TRIM49C: variants seen among roughly 807,000 people sequenced by gnomAD.
TRIM49C encodes the protein tripartite motif containing 49C, also known as tripartite motif-containing protein 49C.
In TRIM49C, 6 loss-of-function variants were observed where a neutral mutation model predicts 21.4. The ratio of observed to expected loss-of-function variants is 0.28; its 90% confidence interval spans 0.15 to 0.55. The LOEUF is 0.55. Ranked by LOEUF, TRIM49C falls within the 20% of genes least tolerant of loss-of-function variation. TRIM49C has a pLI of 0.94. For synonymous variants in TRIM49C, 57 were observed against 148.1 expected, an observed-to-expected ratio of 0.38 and a Z score of 4.47; for missense variants, 161 against 442.4, an observed-to-expected ratio of 0.36 and a Z score of 5.71.
chr11:90,041,108 T>G lies in TRIM49C; in HGVS notation c.917T>G (p.Leu306Trp). The G allele has an allele frequency of 6.3e-7, 1 of 1,595,838 alleles. No individual in the cohort carries two copies. The highest frequency in any genetic ancestry group is 8.6e-7 in the Non-Finnish European group (1 of 1,169,252). ...ANSDIFLYEI[L>W]RSMCIGCDHQ... is the part of the protein sequence containing the mutation. ...AGTGATATCTTTCTGTATGAAATTT[T>G]GAGAAGCATGTGTATTGGATGTGAC... Residue 306 changes from leucine (L) to tryptophan (W), a missense_variant, in exon 8 of 8, where the codon TTG becomes TGG. Physicochemically the swap from Leu to Trp is moderately conservative, Grantham distance 61. Around this residue, in one of 3 missense-constraint regions of TRIM49C, gnomAD observed 80 missense variants for 314.8 expected, o/e 0.25. Coordinates refer to ENST00000448984, the MANE Select transcript of TRIM49C (RefSeq NM_001195234.1).
At chr11:90,052,884 C>G in the TRIM49C span, 1 of 143,374 alleles carries the variant, frequency 7.0e-6, no homozygotes, top group Non-Finnish European at 1.5e-5. Flanking sequence ...GAAACAGATG[C>G]TCAGCTCCTT....
the TRIM49C span, among the ~76,000 whole-genome samples, chr11:90,056,150 C>T: frequency 4.7e-4 from 63 of 135,420 alleles, 12 homozygotes; most frequent in East Asian, 8.9e-3. Flanking sequence ...TTAGTAGAGA[C>T]GGGGTTTCAC....
At chr11:90,070,766 G>T in the TRIM49C span, among the ~76,000 whole-genome samples, 15 of 130,972 alleles carry the variant, frequency 1.1e-4, no homozygotes, top group South Asian at 1.0e-3. Flanking sequence ...AGAGCAGATG[G>T]GCAGAATAAC....
At chr11:90,072,685 A>T in the TRIM49C span, among the ~76,000 whole-genome samples, 3 of 132,602 alleles carry the variant, frequency 2.3e-5, no homozygotes, top group South Asian at 5.4e-4. Flanking sequence ...AGACATAGAC[A>T]TGACCTTCCT....
chr11:90,072,356 C>A, the TRIM49C span, among the ~76,000 whole-genome samples: 1 of 148,750 alleles, frequency 6.7e-6, no homozygotes, highest in African/African-American at 2.5e-5. Context: ...ATGATAAATC[C>A]AGCAGATAAA....
chr11:90,060,225 CA>C, the TRIM49C span, among the ~76,000 whole-genome samples: 1 of 138,934 alleles, frequency 7.2e-6, no homozygotes, highest in Non-Finnish European at 1.5e-5. Context: ...TCAGAAATAA[CA>C]TTTTTTTTTA....
the TRIM49C span, chr11:90,051,987 CT>C: frequency 9.2e-7 from 1 of 1,087,240 alleles, no homozygotes; most frequent in Non-Finnish European, 1.3e-6. Flanking sequence ...TGGTGCTGCC[CT>C]TCCGCGCTGC....
chr11:90,071,594 A>G, the TRIM49C span: 1 of 582,482 alleles, frequency 1.7e-6, no homozygotes, highest in Non-Finnish European at 3.0e-6. Flanking sequence ...GTGGAGGTAC[A>G]TTACAATATC....
chr11:90,062,213 G>A, the TRIM49C span, among the ~76,000 whole-genome samples: 1 of 137,074 alleles, frequency 7.3e-6, no homozygotes, highest in Admixed American at 7.4e-5. Flanking sequence ...CTAATAATTT[G>A]GATGTGAAAA....
At chr11:90,066,069 G>T in the TRIM49C span, among the ~76,000 whole-genome samples, 1 of 138,786 alleles carries the variant, frequency 7.2e-6, no homozygotes, top group Non-Finnish European at 1.6e-5. Flanking sequence ...CGCCCAGGCT[G>T]GAGTGCCAGG....
rs750971755 is a variant in TRIM49C at position 90,041,064 on chromosome 11, G to A, written c.873G>A (p.Leu291=). The part of the protein sequence containing the change: ...RLNQFRVHIT[L]HHEEANSDIF... Reference sequence around the variant, plus strand: ...TTTTTTTTGCAGTGCATATTACTCTGCATCATGAAGAAGCCAACAGTGATA... The same window carrying A: ...TTTTTTTTGCAGTGCATATTACTCTACATCATGAAGAAGCCAACAGTGATA... The change falls in exon 8 of 8, where the codon CTG becomes CTA. Residue 291 remains leucine, a synonymous_variant. Coordinates refer to ENST00000448984, the MANE Select transcript of TRIM49C (RefSeq NM_001195234.1). The A allele has an allele frequency of 1.3e-5, 21 of 1,578,728 alleles. No homozygotes were observed. The highest frequency in any genetic ancestry group is 1.7e-5 in the Non-Finnish European group (20 of 1,165,704).
At chr11:90,043,554 A>C (rs1590918099), downstream of TRIM49C, among the ~76,000 whole-genome samples, 2 of 121,146 alleles carry the variant, frequency 1.7e-5, no homozygotes, top group East Asian at 5.0e-4. Context: ...ATGTTTGCTT[A>C]GACCAGACAA....
the TRIM49C span, among the ~76,000 whole-genome samples, chr11:90,069,655 G>A: frequency 8.3e-6 from 1 of 120,758 alleles, no homozygotes; most frequent in Non-Finnish European, 1.7e-5. Context: ...GAAAGAATGA[G>A]AATACAGAAA....
the TRIM49C span, chr11:90,052,167 G>T: frequency 2.7e-6 from 1 of 376,256 alleles, no homozygotes; most frequent in East Asian, 5.2e-5. Flanking sequence ...CAGGTGGGAG[G>T]CCGGCTCTTG....
the TRIM49C span, among the ~76,000 whole-genome samples, chr11:90,065,029 A>T: frequency 0.058 from 8,031 of 139,090 alleles, 1,246 homozygotes; most frequent in Non-Finnish European, 0.067. Context: ...CCATTACTAC[A>T]TGCCCACATT....
At chr11:90,048,367 C>A in the TRIM49C span, among the ~76,000 whole-genome samples, 1 of 122,534 alleles carries the variant, frequency 8.2e-6, no homozygotes, top group Non-Finnish European at 1.7e-5. Flanking sequence ...AGAGTGTTTT[C>A]CAACTCGTTT....
chr11:90,056,312 G>A, the TRIM49C span, among the ~76,000 whole-genome samples: 1 of 131,400 alleles, frequency 7.6e-6, no homozygotes, highest in Non-Finnish European at 1.6e-5. Context: ...CTACTGCATA[G>A]GAAGGTTTAT....
rs1436994482 is a variant in TRIM49C, at chr11:90,035,679, T to C, written c.411+57T>C. On this transcript the variant is annotated intron_variant, in intron 3 of 7. Coordinates refer to ENST00000448984, the MANE Select transcript of TRIM49C (RefSeq NM_001195234.1). Reference sequence around the variant, plus strand: ...AAAGGAAGCATAAAATTCCTGTGGGTCTATTTTCTTGGAGATTAGGTAAAG... The same window carrying C: ...AAAGGAAGCATAAAATTCCTGTGGGCCTATTTTCTTGGAGATTAGGTAAAG... 5.8e-6 allele frequency: 8 copies of C among 1,375,318 alleles called. 1 individual carries two copies. The highest frequency in any genetic ancestry group is 6.7e-6 in the Non-Finnish European group (7 of 1,051,766). The allele number at this position is 1,375,318 out of a possible 1,614,324, so 85.2% of individuals were successfully genotyped here. A position where few individuals can be genotyped will look rare whatever the true frequency, so the allele number is the denominator to read the frequency against.
the TRIM49C span, among the ~76,000 whole-genome samples, chr11:90,054,368 G>A: frequency 2.2e-5 from 3 of 134,220 alleles, no homozygotes; most frequent in African/African-American, 7.9e-5. Flanking sequence ...TTTCCCCCAA[G>A]TCCTGGTGTT....
Sources: gnomAD v4.1 joint callset for allele counts (sites outside exome capture counted in the v4.1 genomes callset) on GRCh38, gnomAD v4.1.1 for gene constraint, gnomAD v4.1.1 regional missense constraint, MANE v1.5 for transcripts, NCBI Gene and HGNC (gene_info 2026-07-23, HGNC 2026-07-21) for gene names.